The following ZUP1 variants were observed in gnomAD, a reference collection of about 807,000 sequenced individuals.
ZUP1 encodes the protein zinc finger-containing ubiquitin peptidase 1.
ZUP1 carries 55 observed loss-of-function variants against 68.1 expected under a neutral mutation model. That is an observed-to-expected ratio of 0.81 (90% CI 0.65 to 1.01). The LOEUF (loss-of-function observed/expected upper bound fraction) is 1.01. Among genes scored for constraint, ZUP1 ranks in the 50% least tolerant of loss-of-function variants. The pLI, the probability that ZUP1 is intolerant of heterozygous loss-of-function variation, is 0.00. For synonymous variants in ZUP1, 223 were observed against 221.5 expected (o/e 1.01, Z -0.06); for missense variants, 684 against 674.9 (o/e 1.01, Z -0.15).
chr6:116,665,754 G>GC (rs1554252705), intron 2 of ZUP1, among the ~76,000 whole-genome samples: 1 of 127,430 alleles, frequency 7.8e-6, no homozygotes, highest in Non-Finnish European at 1.7e-5. Context: ...TAGTTTTTTG[G>GC]TTTTTTTTTT....
intron 5 of ZUP1, among the ~76,000 whole-genome samples, chr6:116,654,952 G>T (rs951504730): frequency 1.3e-5 from 2 of 152,062 alleles, no homozygotes; most frequent in Non-Finnish European, 2.9e-5. Flanking sequence ...CCTTAACAAC[G>T]TTGAAGATTT....
chr6:116,640,002 T>C (rs1020582959), intron 9 of ZUP1, among the ~76,000 whole-genome samples: 2 of 152,198 alleles, frequency 1.3e-5, no homozygotes, highest in African/African-American at 2.4e-5. Flanking sequence ...AAGGAGCTGA[T>C]GGAGCTGAAA....
chr6:116,640,896 A>G (rs1467692667), intron 9 of ZUP1, among the ~76,000 whole-genome samples: 9 of 149,704 alleles, frequency 6.0e-5, no homozygotes, highest in Non-Finnish European at 1.0e-4. Context: ...AGACTGGCAA[A>G]TTGGATAAAG....
chr6:116,656,719 G>A lies in ZUP1; in HGVS notation c.926C>T (p.Ala309Val), dbSNP rs775086718. 3 of 1,611,644 alleles carry A rather than the reference G, an allele frequency of 1.9e-6. No individual in the cohort carries two copies. Among genetic ancestry groups the A allele is most frequent in the East Asian group, 2.2e-5 (1 of 44,712 alleles). Residue 309 changes from alanine to valine, a missense_variant, in exon 5 of 10, where the codon GCT (alanine) becomes GTT (valine). Coordinates refer to ENST00000368576, the MANE Select transcript of ZUP1 (RefSeq NM_145062.3). Reference protein sequence around the residue: ...RRKADMMESLALGFDDGKTKT... With the variant: ...RRKADMMESLVLGFDDGKTKT... ...TGTTTTTCCATCGTCAAAACCAAGAGCTAATGATTCCATCATATCAGCTTT... is the reference window on the plus strand; with the variant it reads ...TGTTTTTCCATCGTCAAAACCAAGAACTAATGATTCCATCATATCAGCTTT...
chr6:116,652,404 T>C (rs1240359964), intron 5 of ZUP1, among the ~76,000 whole-genome samples: 2 of 152,160 alleles, frequency 1.3e-5, no homozygotes, highest in Non-Finnish European at 2.9e-5. Flanking sequence ...TTACAGTTCA[T>C]TGAAATTTTC....
intron 2 of ZUP1, 77 bp from the exon 3 acceptor site, chr6:116,660,923 A>C: frequency 5.1e-6 from 4 of 787,442 alleles, no homozygotes; most frequent in Non-Finnish European, 5.9e-6. Context: ...TTTTTGAGAC[A>C]GGGTCTCACT....
Position 116,647,590 on chromosome 6 carries a change from T to G in ZUP1, c.1337A>C (p.His446Pro). The G allele has an allele frequency of 6.4e-7, 1 of 1,574,278 alleles. No individual in the cohort carries two copies. The highest frequency in any genetic ancestry group is 1.3e-5 in the African/African-American group (1 of 74,452). ...TGTACCCAAAGGACCAGTTGATTTG[T>G]GAAAATCAACAATATGACACCTATT... Reference protein sequence around the residue: ...LRVKCHIVDFHKSTGPLGTHP... With the variant: ...LRVKCHIVDFPKSTGPLGTHP... Residue 446 changes from histidine (H) to proline (P), a missense_variant, in exon 8 of 10, where the codon CAC becomes CCC. By Grantham distance (77) the His-to-Pro change is moderately conservative. Coordinates refer to ENST00000368576, the MANE Select transcript of ZUP1 (RefSeq NM_145062.3).
At chr6:116,667,295 C>T (rs923176096) in intron 1 of ZUP1, 88 bp from the exon 2 acceptor site, 6 of 823,156 alleles carry the variant, frequency 7.3e-6, no homozygotes, top group African/African-American at 3.5e-5. Flanking sequence ...TGGTCTTTAA[C>T]GCTGGATTAT....
At chr6:116,644,670 C>T (rs1478099458) in intron 9 of ZUP1, among the ~76,000 whole-genome samples, 1 of 150,916 alleles carries the variant, frequency 6.6e-6, no homozygotes, top group Non-Finnish European at 1.5e-5. Flanking sequence ...AGGGGAACAT[C>T]ACACTCTGGG....
intron 5 of ZUP1, among the ~76,000 whole-genome samples, chr6:116,653,897 T>A (rs1348198139): frequency 6.6e-6 from 1 of 152,016 alleles, no homozygotes; most frequent in Non-Finnish European, 1.5e-5. Flanking sequence ...AATTTCCTTA[T>A]ACTTTTTATT....
Position 116,645,797 on chromosome 6 carries a change from G to A in ZUP1, c.1606C>T (p.Leu536Phe). The A allele has an allele frequency of 6.2e-7, 1 of 1,613,848 alleles. No individual in the cohort carries two copies. Among genetic ancestry groups the A allele is most frequent in the Non-Finnish European group, 8.5e-7 (1 of 1,179,920 alleles). The change falls in exon 9 of 10, where the codon CTT becomes TTT. Residue 536 changes from leucine to phenylalanine, a missense_variant. Transcript: ENST00000368576. ...TTTAAATTTCCCATAGATTTCCGAA[G>A]TTGCTTGAGACTGCTAGCCTCTATG... is the stretch of plus-strand genomic sequence containing the variant. ...QDIEASSLKQLRKSMGNLKHK... is the reference protein window; with the variant it reads ...QDIEASSLKQFRKSMGNLKHK...
At chr6:116,654,097 A>G (rs1442168722) in intron 5 of ZUP1, among the ~76,000 whole-genome samples, 2 of 151,976 alleles carry the variant, frequency 1.3e-5, no homozygotes, top group Non-Finnish European at 2.9e-5. Context: ...CTTCTATATT[A>G]CAGGACAGTG....
chr6:116,664,732 G>A (rs992474928), intron 2 of ZUP1, among the ~76,000 whole-genome samples: 2 of 152,058 alleles, frequency 1.3e-5, no homozygotes, highest in South Asian at 2.1e-4. Context: ...GCAGAAGTAA[G>A]AGACCAGAAA....
Position 116,651,676 on chromosome 6 carries a change from A to C in ZUP1, c.1212T>G (p.Gly404=), listed in dbSNP as rs757650014. The change falls in exon 7 of 10, where the codon GGT becomes GGG. Residue 404 remains glycine, a synonymous_variant. Coordinates refer to ENST00000368576, the MANE Select transcript of ZUP1 (RefSeq NM_145062.3). ...GTTGAGAGGCCCCCTGAGGATCAAA[A>C]CCTTCCTTCCATGCATCTTCAATCA... ...QSMIEDAWKE[G]FDPQGASQLN... is the part of the protein sequence containing the mutation. 1 of 1,613,856 alleles carries C rather than the reference A, an allele frequency of 6.2e-7. No individual in the cohort carries two copies. Among genetic ancestry groups the C allele is most frequent in the South Asian group, 1.1e-5 (1 of 91,064 alleles).
At chr6:116,668,286 C>G (rs957911771) in intron 1 of ZUP1, among the ~76,000 whole-genome samples, 1 of 152,182 alleles carries the variant, frequency 6.6e-6, no homozygotes, top group African/African-American at 2.4e-5. Context: ...CTTCCGGTGG[C>G]TGGGACACGG....
At chr6:116,642,969 G>C (rs1271164862) in intron 9 of ZUP1, among the ~76,000 whole-genome samples, 2 of 152,160 alleles carry the variant, frequency 1.3e-5, no homozygotes, top group Admixed American at 1.3e-4. Context: ...TCCTTAAGTT[G>C]ATAAGCAACT....
intron 3 of ZUP1, among the ~76,000 whole-genome samples, chr6:116,659,196 C>T (rs1776760103): frequency 6.6e-6 from 1 of 152,160 alleles, no homozygotes; most frequent in Non-Finnish European, 1.5e-5. Flanking sequence ...ATGGTGCGAT[C>T]TCAGCTCACT....
intron 6 of ZUP1, 107 bp downstream of exon 6, chr6:116,651,896 TA>T: frequency 7.1e-7 from 1 of 1,408,862 alleles, no homozygotes; most frequent in Non-Finnish European, 9.6e-7. Flanking sequence ...TCAGGTTTCT[TA>T]TATAAATATC....
At chr6:116,652,291 A>C in intron 5 of ZUP1, 99 bp from the exon 6 acceptor site, 1 of 873,284 alleles carries the variant, frequency 1.1e-6, no homozygotes, top group Non-Finnish European at 1.7e-6. Flanking sequence ...CCATACCTAA[A>C]TCCTGTTAAT....
Sources: gnomAD v4.1 joint callset for allele counts (sites outside exome capture counted in the v4.1 genomes callset) on GRCh38, gnomAD v4.1.1 for gene constraint, MANE v1.5 for transcripts, NCBI Gene and HGNC (gene_info 2026-07-23, HGNC 2026-07-21) for gene names.